Variants in PTPRN2 observed in about 807,000 individuals in gnomAD.
PTPRN2 encodes the protein receptor-type tyrosine-protein phosphatase N2.
A neutral mutation model predicts 118.8 loss-of-function variants in PTPRN2; 74 were observed. The ratio of observed to expected loss-of-function variants is 0.62; its 90% CI spans 0.52 to 0.76. PTPRN2 has a LOEUF of 0.76. Ranked by LOEUF, PTPRN2 falls within the 30% of genes least tolerant of loss-of-function variation. The probability of loss-of-function intolerance (pLI) is 0.00; values close to 1 mark genes in which losing one functional copy is unlikely to be tolerated. For synonymous variants in PTPRN2, 641 were observed against 608.0 expected (o/e 1.05, Z -0.80); for missense variants, 1,481 against 1,394.4 (o/e 1.06, Z -0.99).
intron 2 of PTPRN2, among the ~76,000 whole-genome samples, chr7:158,365,085 C>T (rs1271674561): frequency 6.6e-6 from 1 of 152,208 alleles, no homozygotes; most frequent in Non-Finnish European, 1.5e-5. Flanking sequence ...TTACTCCACA[C>T]TATTTTAATA....
At chr7:157,854,382 C>T (rs755532695) in intron 12 of PTPRN2, 2 of 152,412 alleles carry the variant, frequency 1.3e-5, no homozygotes, top group African/African-American at 2.4e-5. Flanking sequence ...GGCACACCCA[C>T]GTCCACGTGG....
At chr7:158,539,080 G>GC (rs1028358648) in intron 1 of PTPRN2, among the ~76,000 whole-genome samples, 65 of 152,244 alleles carry the variant, frequency 4.3e-4, no homozygotes, top group African/African-American at 1.5e-3. Flanking sequence ...GAAAAGCCAT[G>GC]CCCCCCGTGT....
At chr7:157,706,238 C>T (rs1024351486) in intron 12 of PTPRN2, among the ~76,000 whole-genome samples, 50 of 152,146 alleles carry the variant, frequency 3.3e-4, no homozygotes, top group Admixed American at 2.6e-3. Context: ...TCTGGATTAG[C>T]GGGAACCCCA....
chr7:158,387,367 C>T (rs933637568), intron 2 of PTPRN2, among the ~76,000 whole-genome samples: 4 of 152,212 alleles, frequency 2.6e-5, no homozygotes, highest in African/African-American at 7.2e-5. Context: ...TGAGGTGGGG[C>T]CAGGACCACG....
At chr7:158,020,602 T>C (rs1218914204) in intron 11 of PTPRN2, among the ~76,000 whole-genome samples, 2 of 152,152 alleles carry the variant, frequency 1.3e-5, no homozygotes, top group African/African-American at 4.8e-5. Flanking sequence ...AGTCAGGGGC[T>C]GGGGCAGCCT....
intron 3 of PTPRN2, among the ~76,000 whole-genome samples, chr7:158,239,434 G>A (rs528214409): frequency 2.0e-5 from 3 of 152,280 alleles, no homozygotes; most frequent in South Asian, 2.1e-4. Flanking sequence ...GCTCCGTAGC[G>A]CGGCCCCCAC....
At chr7:158,440,492 A>G (rs1203893144) in intron 2 of PTPRN2, among the ~76,000 whole-genome samples, 1 of 149,120 alleles carries the variant, frequency 6.7e-6, no homozygotes, top group African/African-American at 2.5e-5. Flanking sequence ...GATGGTGGTG[A>G]TGGTAGTGAT....
At chr7:157,572,871 G>A (rs1259773176) in intron 19 of PTPRN2, among the ~76,000 whole-genome samples, 1 of 152,232 alleles carries the variant, frequency 6.6e-6, no homozygotes, top group Non-Finnish European at 1.5e-5. Context: ...CGGCCTCCAG[G>A]GCCGTGTCAC....
intron 2 of PTPRN2, among the ~76,000 whole-genome samples, chr7:158,363,103 G>T (rs1324452077): frequency 6.6e-6 from 1 of 152,176 alleles, no homozygotes; most frequent in South Asian, 2.1e-4. Context: ...CACCACTCTC[G>T]AAAGCCCTTT....
chr7:158,413,728 G>A (rs1814394819), intron 2 of PTPRN2, among the ~76,000 whole-genome samples: 1 of 152,242 alleles, frequency 6.6e-6, no homozygotes, highest in Non-Finnish European at 1.5e-5. Flanking sequence ...GTAAAACTAG[G>A]AGAACGGGCC....
In PTPRN2 at chr7:157,650,056, G is replaced by T. The variant is rs578060326; in HGVS notation, c.2196+6301C>A. 3.6e-4 allele frequency among the ~76,000 whole-genome samples: 55 copies of T among 152,342 alleles called. 1 individual carries two copies. In the South Asian group the frequency reaches 0.011, roughly 31 times the overall value. On this transcript the variant is annotated intron_variant, in intron 14 of 22. Coordinates refer to ENST00000389418, the MANE Select transcript of PTPRN2 (RefSeq NM_002847.5). ...AAATGGCTCTCAAAGGAGCTCCCCA[G>T]GCCCGCAGGAGTGAGGCTGGGAAGT...
chr7:158,251,614 CA>C (rs1796674116), intron 3 of PTPRN2, among the ~76,000 whole-genome samples: 1 of 119,198 alleles, frequency 8.4e-6, no homozygotes, highest in African/African-American at 3.3e-5. Context: ...GGGGCGTGTG[CA>C]GGTGTGCAAT....
At chr7:158,272,803 A>G (rs1049399502) in intron 3 of PTPRN2, among the ~76,000 whole-genome samples, 2 of 152,088 alleles carry the variant, frequency 1.3e-5, no homozygotes, top group Non-Finnish European at 2.9e-5. Context: ...GCCATCGGGG[A>G]GGTGCCGCCG....
At chr7:158,566,308 C>T (rs111378398) in intron 1 of PTPRN2, among the ~76,000 whole-genome samples, 35 of 151,720 alleles carry the variant, frequency 2.3e-4, no homozygotes, top group African/African-American at 5.8e-4. Flanking sequence ...GAGCCAAGAT[C>T]GCACCATTGC....
In PTPRN2 at chr7:157,662,621, A is replaced by C. The variant is rs1392717102; in HGVS notation, c.2002-6070T>G. ...GGCTAGGCCGCAATGGCACCTGCAGAGATGGGGAGGTGTGAGCAGGCATGG... is the reference window on the plus strand; with the variant it reads ...GGCTAGGCCGCAATGGCACCTGCAGCGATGGGGAGGTGTGAGCAGGCATGG... On this transcript the variant is annotated intron_variant, in intron 13 of 22. Coordinates refer to ENST00000389418, the MANE Select transcript of PTPRN2 (RefSeq NM_002847.5). 2.6e-5 allele frequency among the ~76,000 whole-genome samples: 4 copies of C among 152,168 alleles called. No individual in the cohort carries two copies. In the East Asian group the frequency reaches 7.7e-4, roughly 29 times the overall value.
At chr7:158,058,559 G>A (rs376531790) in intron 11 of PTPRN2, among the ~76,000 whole-genome samples, 7 of 75,424 alleles carry the variant, frequency 9.3e-5, no homozygotes, top group Admixed American at 3.8e-4. Flanking sequence ...AGACATCACT[G>A]CAGCCACACT....
intron 2 of PTPRN2, among the ~76,000 whole-genome samples, chr7:158,377,087 A>G (rs1480430343): frequency 1.5e-5 from 1 of 68,652 alleles, no homozygotes; most frequent in Admixed American, 1.4e-4. Context: ...ACTCCCCCAC[A>G]GCCCTGTCAC....
At chr7:158,192,194 G>T in intron 5 of PTPRN2, 133 bp downstream of exon 5, 1 of 1,104,552 alleles carries the variant, frequency 9.1e-7, no homozygotes, top group Non-Finnish European at 1.2e-6. Flanking sequence ...CCGAAGCCCT[G>T]TTCACAGGAT....
intron 12 of PTPRN2, among the ~76,000 whole-genome samples, chr7:157,701,605 C>G (rs1798069445): frequency 1.3e-5 from 2 of 152,206 alleles, no homozygotes; most frequent in Admixed American, 1.3e-4. Context: ...AGCGCTGCCC[C>G]CAGACCCTTC....
Sources: gnomAD v4.1 joint callset for allele counts (sites outside exome capture counted in the v4.1 genomes callset) on GRCh38, gnomAD v4.1.1 for gene constraint, MANE v1.5 for transcripts, NCBI Gene and HGNC (gene_info 2026-07-23, HGNC 2026-07-21) for gene names.